Variants in ARHGEF3 observed in about 807,000 individuals in gnomAD.
The protein encoded by ARHGEF3 is Rho guanine nucleotide exchange factor 3.
Under a neutral mutation model 63.2 loss-of-function variants are expected in ARHGEF3, and 28 were observed. The observed-to-expected ratio is 0.44, with a 90% CI of 0.33 to 0.61. ARHGEF3 has a LOEUF of 0.61. Ranked by LOEUF, ARHGEF3 falls within the 20% of genes least tolerant of loss-of-function variation. The probability of loss-of-function intolerance (pLI) is 0.03; values close to 1 mark genes in which losing one functional copy is unlikely to be tolerated. For missense variants in ARHGEF3, 533 were observed against 659.3 expected (o/e 0.81, Z 2.10); for synonymous variants, 266 against 254.2 (o/e 1.05, Z -0.44).
chr3:57,017,701 C>G (rs1420776317), intron 2 of ARHGEF3, among the ~76,000 whole-genome samples: 1 of 152,302 alleles, frequency 6.6e-6, no homozygotes, highest in East Asian at 1.9e-4. Context: ...ACGATGTCGT[C>G]ACGGCTGCCC....
intron 2 of ARHGEF3, among the ~76,000 whole-genome samples, chr3:57,028,595 T>C (rs1275348356): frequency 3.2e-5 from 4 of 126,102 alleles, no homozygotes; most frequent in Non-Finnish European, 6.6e-5. Context: ...TAATGCTAGA[T>C]GACAAGTTAG....
At chr3:56,979,283 C>T (rs1701236060) in intron 2 of ARHGEF3, among the ~76,000 whole-genome samples, 1 of 152,168 alleles carries the variant, frequency 6.6e-6, no homozygotes, top group African/African-American at 2.4e-5. Flanking sequence ...GCTTTCATTC[C>T]ACACTCATCC....
intron 3 of ARHGEF3, among the ~76,000 whole-genome samples, chr3:56,921,205 A>G (rs2042130175): frequency 6.7e-6 from 1 of 148,778 alleles, no homozygotes; most frequent in African/African-American, 2.6e-5. Context: ...TTCTCCATAA[A>G]AAGAAAAAAA....
At chr3:56,954,481 C>A (rs1360575619) in intron 3 of ARHGEF3, among the ~76,000 whole-genome samples, 4 of 152,216 alleles carry the variant, frequency 2.6e-5, no homozygotes, top group African/African-American at 7.2e-5. Flanking sequence ...CCTCCTCTCT[C>A]AGCCTTCTCA....
At chr3:57,007,484 T>C in intron 2 of ARHGEF3, 1 of 698,064 alleles carries the variant, frequency 1.4e-6, no homozygotes, top group Non-Finnish European at 2.1e-6. Flanking sequence ...CTTGGTTTTC[T>C]GCAGAACCTC....
rs751727192 is a variant in ARHGEF3, at chr3:56,916,260, G to A, written c.130-33906C>T. On this transcript the variant is annotated intron_variant, in intron 3 of 12. Coordinates refer to the ARHGEF3 transcript ENST00000338458. ...CCTGGCACCACCCCACCCGGCTCGG[G>A]TGGGAGTTGAGAGCCGGCCCATCCC... 22 of 1,525,804 alleles carry A rather than the reference G, an allele frequency of 1.4e-5. No homozygotes were observed. In the South Asian group the frequency reaches 1.7e-4, roughly 12 times the overall value. 94.5% of individuals were successfully genotyped at this position (1,525,804 alleles called of 1,614,324 possible).
chr3:57,013,130 C>T (rs959507403), intron 2 of ARHGEF3, among the ~76,000 whole-genome samples: 7 of 152,380 alleles, frequency 4.6e-5, no homozygotes, highest in Middle Eastern at 6.8e-3. Context: ...ACCTCCAGCC[C>T]GCCATGCCTG....
intron 8 of ARHGEF3, among the ~76,000 whole-genome samples, chr3:56,733,984 C>CAAAAA (rs777924213): frequency 1.1e-4 from 6 of 55,078 alleles, no homozygotes; most frequent in East Asian, 5.8e-4. Context: ...AATTCTGTCT[C>CAAAAA]AAAAAAAAAA....
At chr3:56,798,986 A>G (rs2037506412) in intron 1 of ARHGEF3, among the ~76,000 whole-genome samples, 1 of 152,216 alleles carries the variant, frequency 6.6e-6, no homozygotes, top group Non-Finnish European at 1.5e-5. Context: ...ATGCAATATT[A>G]TAATCCCTGT....
At chr3:56,850,126 A>G (rs1480179301) in intron 4 of ARHGEF3, among the ~76,000 whole-genome samples, 1 of 152,054 alleles carries the variant, frequency 6.6e-6, no homozygotes, top group Non-Finnish European at 1.5e-5. Flanking sequence ...ATGCTTTCCC[A>G]CATCATCCAT....
chr3:56,968,206 A>AT (rs1700714888), intron 2 of ARHGEF3, among the ~76,000 whole-genome samples: 1 of 19,312 alleles, frequency 5.2e-5, no homozygotes, highest in Non-Finnish European at 1.3e-4. Context: ...TAATATATAA[A>AT]AATATATATT....
intron 2 of ARHGEF3, among the ~76,000 whole-genome samples, chr3:57,010,298 CAA>C (rs779675954): frequency 2.6e-4 from 39 of 151,012 alleles, no homozygotes; most frequent in East Asian, 5.8e-4. Context: ...ACTAAAAATA[CAA>C]AAAAAATTAG....
At chr3:56,810,376 G>A (rs971107370) in intron 4 of ARHGEF3, among the ~76,000 whole-genome samples, 4 of 151,804 alleles carry the variant, frequency 2.6e-5, no homozygotes, top group African/African-American at 7.3e-5. Context: ...AAACCCTGTC[G>A]CTACAAAAAA....
chr3:56,827,507 C>T (rs991202809), intron 4 of ARHGEF3, among the ~76,000 whole-genome samples: 1 of 152,090 alleles, frequency 6.6e-6, no homozygotes, highest in African/African-American at 2.4e-5. Flanking sequence ...TAATCTTCAC[C>T]TTGCATGGCT....
At chr3:57,012,230 T>C (rs189753183) in intron 2 of ARHGEF3, among the ~76,000 whole-genome samples, 21 of 152,296 alleles carry the variant, frequency 1.4e-4, no homozygotes, top group African/African-American at 5.1e-4. Context: ...CTGTACCTGG[T>C]CGTGAACTAA....
intron 3 of ARHGEF3, among the ~76,000 whole-genome samples, chr3:56,936,371 T>G (rs1698904577): frequency 6.6e-6 from 1 of 152,216 alleles, no homozygotes; most frequent in Admixed American, 6.5e-5. Flanking sequence ...AAAGCCATTT[T>G]CTTGAGGTAA....
At chr3:57,000,310 C>CCACACA (rs71076009) in intron 2 of ARHGEF3, among the ~76,000 whole-genome samples, 13,141 of 139,022 alleles carry the variant, frequency 0.095, 1,011 homozygotes, top group East Asian at 0.31. Flanking sequence ...AGGGTAACTC[C>CCACACA]CACACACACA....
At chr3:56,977,444 G>C in intron 2 of ARHGEF3, 1 of 389,250 alleles carries the variant, frequency 2.6e-6, no homozygotes, top group Admixed American at 3.1e-5. Flanking sequence ...TTATGACCCA[G>C]GCAAAGATGC....
intron 3 of ARHGEF3, among the ~76,000 whole-genome samples, chr3:56,926,510 C>T (rs920979139): frequency 1.3e-5 from 2 of 152,226 alleles, no homozygotes; most frequent in Non-Finnish European, 2.9e-5. Flanking sequence ...AATATATTTG[C>T]TGAAAGCCAG....
Sources: allele counts gnomAD v4.1 joint callset (sites outside exome capture counted in the v4.1 genomes callset), GRCh38; gene constraint gnomAD v4.1.1; transcripts MANE v1.5; gene names NCBI Gene and HGNC (gene_info 2026-07-23, HGNC 2026-07-21).